Variants in ACTL8 observed in about 807,000 individuals in gnomAD.
The protein encoded by ACTL8 is actin like 8, also known as actin-like protein 8.
A neutral mutation model predicts 9.3 loss-of-function variants in ACTL8; 3 were observed. The ratio of observed to expected loss-of-function variants is 0.32; its 90% CI spans 0.15 to 0.83. ACTL8 has a LOEUF of 0.83. ACTL8 is among the 40% of genes least tolerant of loss of function. The pLI, the probability that ACTL8 is intolerant of heterozygous loss-of-function variation, is 0.57. For synonymous variants in ACTL8, 224 were observed against 205.9 expected (o/e 1.09, Z -0.75); for missense variants, 381 against 492.2 (o/e 0.77, Z 2.14).
At chr1:17,777,170 A>G (rs989647680) in intron 1 of ACTL8, among the ~76,000 whole-genome samples, 1 of 151,842 alleles carries the variant, frequency 6.6e-6, no homozygotes, top group African/African-American at 2.4e-5. Flanking sequence ...TGGCAGAACA[A>G]GCGCCTCTCT....
At chr1:17,805,713 G>T (rs1054100857) in intron 1 of ACTL8, among the ~76,000 whole-genome samples, 9 of 152,292 alleles carry the variant, frequency 5.9e-5, no homozygotes, top group Middle Eastern at 3.4e-3. Flanking sequence ...ATACAGACAT[G>T]CATACACACC....
At chr1:17,784,678 C>G (rs554028493) in intron 1 of ACTL8, among the ~76,000 whole-genome samples, 1 of 152,002 alleles carries the variant, frequency 6.6e-6, no homozygotes, top group African/African-American at 2.4e-5. Flanking sequence ...AATGCTATAC[C>G]CCATTTATTC....
Position 17,823,097 on chromosome 1 carries a change from C to G in ACTL8, c.89C>G (p.Pro30Arg). 6.2e-7 allele frequency: 1 copy of G among 1,614,198 alleles called. No homozygotes were observed. Among genetic ancestry groups the G allele is most frequent in the Non-Finnish European group, 8.5e-7 (1 of 1,180,046 alleles). Residue 30 changes from proline to arginine, a missense_variant, in exon 2 of 3, where the codon CCG (proline) becomes CGG (arginine). Coordinates refer to ENST00000375406, the MANE Select transcript of ACTL8 (RefSeq NM_030812.3). The surrounding 1 kb of genome is among the most constrained non-coding windows in gnomAD (Gnocchi z 5.3). ...TGGAATGAGCCTCAGATGGTCTTCCCGAACATCGTGAACTACCTACCGTGC... is the reference window on the plus strand; with the variant it reads ...TGGAATGAGCCTCAGATGGTCTTCCGGAACATCGTGAACTACCTACCGTGC... ...AGWNEPQMVF[P>R]NIVNYLPCKE... is the part of the protein sequence containing the mutation.
intron 1 of ACTL8, among the ~76,000 whole-genome samples, chr1:17,804,580 C>T (rs758093494): frequency 1.2e-4 from 18 of 151,698 alleles, no homozygotes; most frequent in Non-Finnish European, 2.4e-4. Context: ...CCCAGCTGGT[C>T]GTCTTCCTTT....
intron 1 of ACTL8, among the ~76,000 whole-genome samples, chr1:17,812,698 GC>G (rs1359648321): frequency 6.7e-6 from 1 of 149,582 alleles, no homozygotes; most frequent in Non-Finnish European, 1.5e-5. Context: ...TCACTGTGTT[GC>G]CCAGGCTGGT....
intron 1 of ACTL8, among the ~76,000 whole-genome samples, chr1:17,802,709 A>G (rs1325521704): frequency 6.6e-6 from 1 of 152,144 alleles, no homozygotes; most frequent in Non-Finnish European, 1.5e-5. Flanking sequence ...ATGGCTGGGC[A>G]TGGCGGCTCA....
At chr1:17,796,082 C>T (rs991350665) in intron 1 of ACTL8, among the ~76,000 whole-genome samples, 1 of 152,164 alleles carries the variant, frequency 6.6e-6, no homozygotes, top group African/African-American at 2.4e-5. Flanking sequence ...AAATGCTGCT[C>T]TTTCCTGGGT....
intron 1 of ACTL8, among the ~76,000 whole-genome samples, chr1:17,787,923 C>T (rs2066210564): frequency 6.6e-6 from 1 of 152,130 alleles, no homozygotes; most frequent in Non-Finnish European, 1.5e-5. Context: ...TGTTATTGGC[C>T]TTGTTAGTTT....
chr1:17,764,270 G>A (rs531469571), intron 1 of ACTL8, among the ~76,000 whole-genome samples: 1 of 152,280 alleles, frequency 6.6e-6, no homozygotes, highest in East Asian at 1.9e-4. Flanking sequence ...GGCCCCTGCT[G>A]CAGACAGTCA....
chr1:17,815,012 G>A (rs898406277), intron 1 of ACTL8, among the ~76,000 whole-genome samples: 6 of 151,956 alleles, frequency 3.9e-5, no homozygotes, highest in East Asian at 1.9e-4. Context: ...TGCTGTACCC[G>A]TTTATAGCAT....
At chr1:17,819,788 T>C (rs1001540338) in intron 1 of ACTL8, among the ~76,000 whole-genome samples, 1 of 152,192 alleles carries the variant, frequency 6.6e-6, no homozygotes, top group African/African-American at 2.4e-5. Flanking sequence ...CCCAGCACTT[T>C]GGGAGGCCTA....
rs523919 is a variant in ACTL8 at position 17,823,803 on chromosome 1, A to G, written c.348+447A>G. Among the ~76,000 whole-genome samples, 75,765 of 152,056 alleles carry G rather than the reference A, an allele frequency of 0.5. 19,336 individuals carry two copies. The highest frequency in any genetic ancestry group is 0.7 in the East Asian group (3,594 of 5,164). On this transcript the variant is annotated intron_variant, in intron 2 of 2. Coordinates refer to ENST00000375406, the MANE Select transcript of ACTL8 (RefSeq NM_030812.3). The surrounding 1 kb of genome is among the most constrained non-coding windows in gnomAD (Gnocchi z 5.3). Reference sequence around the variant, plus strand: ...CAAACATTTCCCAAGAACCTAGTGAATGCCTGGTGTGCCACTAAGCAGGGG... The same window carrying G: ...CAAACATTTCCCAAGAACCTAGTGAGTGCCTGGTGTGCCACTAAGCAGGGG...
At chr1:17,771,396 G>C (rs2066082304) in intron 1 of ACTL8, among the ~76,000 whole-genome samples, 2 of 152,140 alleles carry the variant, frequency 1.3e-5, no homozygotes, top group African/African-American at 2.4e-5. Flanking sequence ...GCCATAGTTT[G>C]CTGACTCCTA....
chr1:17,789,387 G>A (rs985662379), intron 1 of ACTL8, among the ~76,000 whole-genome samples: 1 of 152,138 alleles, frequency 6.6e-6, no homozygotes, highest in African/African-American at 2.4e-5. Flanking sequence ...CCCTCTCAGT[G>A]CCCCTTGCAT....
chr1:17,800,489 C>G (rs976690187), intron 1 of ACTL8, among the ~76,000 whole-genome samples: 5 of 151,246 alleles, frequency 3.3e-5, no homozygotes. Context: ...AGTTATTTTA[C>G]GTGATGTTTC....
At chr1:17,818,310 C>G (rs2066441139) in intron 1 of ACTL8, among the ~76,000 whole-genome samples, 2 of 152,202 alleles carry the variant, frequency 1.3e-5, no homozygotes, top group South Asian at 4.1e-4. Context: ...TCCTGGCCAC[C>G]ACTTTAGCGC....
chr1:17,782,128 C>T (rs2066159551), intron 1 of ACTL8, among the ~76,000 whole-genome samples: 1 of 152,044 alleles, frequency 6.6e-6, no homozygotes, highest in African/African-American at 2.4e-5. Flanking sequence ...GTACACGAGC[C>T]CCCGCTACCC....
In ACTL8 at chr1:17,777,924, C is replaced by T. The variant is rs114122887; in HGVS notation, c.-25+22420C>T. The stretch of plus-strand genomic sequence containing the variant: ...TGGTGGCCAGGCTTGTCTTGAACTC[C>T]TCACTTCTGGTGATCCTCCTGCTTT... On this transcript the variant is annotated intron_variant, in intron 1 of 2. Coordinates refer to ENST00000375406, the MANE Select transcript of ACTL8 (RefSeq NM_030812.3). Among the ~76,000 whole-genome samples the T allele has an allele frequency of 5.0e-3, 757 of 152,352 alleles. 7 individuals carry two copies. The highest frequency in any genetic ancestry group is 0.018 in the African/African-American group (738 of 41,578).
In ACTL8 at chr1:17,823,528, A is replaced by G. The variant is rs901027555; in HGVS notation, c.348+172A>G. Among the ~76,000 whole-genome samples the G allele has an allele frequency of 6.6e-6, 1 of 152,098 alleles. No homozygotes were observed. Among genetic ancestry groups the G allele is most frequent in the Admixed American group, 6.5e-5 (1 of 15,276 alleles). On this transcript the variant is annotated intron_variant, in intron 2 of 2. Coordinates refer to ENST00000375406, the MANE Select transcript of ACTL8 (RefSeq NM_030812.3). This position sits in a 1 kb window ranked among gnomAD's most constrained non-coding sequence, Gnocchi z 5.3. The stretch of plus-strand genomic sequence containing the variant: ...GACTCCCAGGCAGGCAGATTGCTTG[A>G]GCCCAGGAGTTCAGGACCAGCCTGG...
Sources: allele counts gnomAD v4.1 joint callset (sites outside exome capture counted in the v4.1 genomes callset), GRCh38; gene constraint gnomAD v4.1.1; non-coding constraint Gnocchi (gnomAD v3.1); transcripts MANE v1.5; gene names NCBI Gene and HGNC (gene_info 2026-07-23, HGNC 2026-07-21).